Variants in IQGAP2 observed in about 807,000 individuals in gnomAD.
IQGAP2 encodes the protein IQ motif containing GTPase activating protein 2, also known as ras GTPase-activating-like protein IQGAP2.
IQGAP2 carries 173 observed loss-of-function variants against 201.3 expected under a neutral mutation model. The ratio of observed to expected loss-of-function variants is 0.86; its 90% CI spans 0.76 to 0.98. The LOEUF (loss-of-function observed/expected upper bound fraction) is 0.98, where lower values mean the gene tolerates loss of function less well. IQGAP2 is among the 50% of genes least tolerant of loss of function. The pLI is 0.00. For synonymous variants in IQGAP2, 675 were observed against 673.9 expected, an observed-to-expected ratio of 1.00 and a Z score of -0.03; for missense variants, 1,687 against 1,864.8, an observed-to-expected ratio of 0.90 and a Z score of 1.76.
intron 1 of IQGAP2, among the ~76,000 whole-genome samples, chr5:76,415,432 T>C (rs1751356270): frequency 6.6e-6 from 1 of 152,204 alleles, no homozygotes; most frequent in Admixed American, 6.5e-5. Context: ...GTTGGAAAAA[T>C]TGTAAGTTAC....
At chr5:76,637,775 C>T (rs1200158434) in intron 16 of IQGAP2, among the ~76,000 whole-genome samples, 1 of 152,186 alleles carries the variant, frequency 6.6e-6, no homozygotes, top group Non-Finnish European at 1.5e-5. Flanking sequence ...TACCCATGTC[C>T]AAATGTAAGT....
chr5:76,537,337 C>G (rs753068114), intron 2 of IQGAP2, among the ~76,000 whole-genome samples: 7 of 152,116 alleles, frequency 4.6e-5, no homozygotes, highest in Non-Finnish European at 8.8e-5. Context: ...TCAAATGCCA[C>G]CTATAGAGCT....
At chr5:76,407,224 C>G (rs1750849659) in intron 1 of IQGAP2, among the ~76,000 whole-genome samples, 1 of 152,114 alleles carries the variant, frequency 6.6e-6, no homozygotes, top group Non-Finnish European at 1.5e-5. Flanking sequence ...TCCTCAGCTT[C>G]CCAAAGTGCT....
rs141332451 is a variant in IQGAP2 at position 76,440,761 on chromosome 5, G to A, written c.47-20809G>A. 5.9e-4 allele frequency among the ~76,000 whole-genome samples: 90 copies of A among 151,686 alleles called. No homozygotes were observed. The East Asian group carries it at 0.014, about 23-fold the overall frequency. On this transcript the variant is annotated intron_variant, in intron 1 of 35. Transcript: ENST00000274364. ...AGTAGTTAAGAGTAGGGCCCTGGCC[G>A]GGTGCAGTGACTCAGTAATCCCAGC...
At chr5:76,491,861 C>T (rs527335570) in intron 2 of IQGAP2, among the ~76,000 whole-genome samples, 1 of 152,284 alleles carries the variant, frequency 6.6e-6, no homozygotes, top group African/African-American at 2.4e-5. Context: ...CTCTTAGGAC[C>T]TTTGAGTTGT....
At chr5:76,647,193 A>G (rs1173337204) in intron 17 of IQGAP2, among the ~76,000 whole-genome samples, 1 of 152,212 alleles carries the variant, frequency 6.6e-6, no homozygotes, top group Non-Finnish European at 1.5e-5. Flanking sequence ...CTCCAATATT[A>G]TATATAAACA....
rs1758656592 is a variant in IQGAP2 at position 76,521,120 on chromosome 5, TTTG to T, written c.147-41273_147-41271del. On this transcript the variant is annotated intron_variant, in intron 2 of 35. Transcript: ENST00000274364. ...GATTCTGATGTTTGGGGGTTTTTTG[TTTG>T]TTTTTTTACCTTTCTTCCTAACAGA... is the stretch of plus-strand genomic sequence containing the variant. Among the ~76,000 whole-genome samples the T allele has an allele frequency of 4.7e-5, 3 of 64,238 alleles. No homozygotes were observed. The South Asian group carries it at 2.5e-3, about 54-fold the overall frequency. 42.1% of individuals were successfully genotyped at this position (64,238 alleles called of 152,430 possible). A position where few individuals can be genotyped will look rare whatever the true frequency, so the allele number is the denominator to read the frequency against.
intron 2 of IQGAP2, among the ~76,000 whole-genome samples, chr5:76,496,173 T>C (rs1365612521): frequency 6.6e-6 from 1 of 152,260 alleles, no homozygotes; most frequent in Non-Finnish European, 1.5e-5. Flanking sequence ...ATTTGCTTTC[T>C]GTTACCTAAA....
chr5:76,439,387 G>A (rs1288619982), intron 1 of IQGAP2, among the ~76,000 whole-genome samples: 1 of 152,168 alleles, frequency 6.6e-6, no homozygotes, highest in Non-Finnish European at 1.5e-5. Flanking sequence ...TAAGTCCAGT[G>A]TTCCTTTGTT....
At chr5:76,521,658 C>T (rs1401659101) in intron 2 of IQGAP2, among the ~76,000 whole-genome samples, 1 of 152,212 alleles carries the variant, frequency 6.6e-6, no homozygotes. Context: ...CATCGTGTGC[C>T]TGTCTGTGTC....
At chr5:76,676,950 A>G (rs576308046) in intron 27 of IQGAP2, among the ~76,000 whole-genome samples, 8 of 152,308 alleles carry the variant, frequency 5.3e-5, no homozygotes, top group Middle Eastern at 6.8e-3. Context: ...TGACCTACGC[A>G]TAGGTCACTA....
chr5:76,676,089 A>G (rs954381486), intron 27 of IQGAP2, among the ~76,000 whole-genome samples: 94 of 143,922 alleles, frequency 6.5e-4, no homozygotes, highest in African/African-American at 2.3e-3. Context: ...ACACACACAC[A>G]CACACACACA....
intron 23 of IQGAP2, among the ~76,000 whole-genome samples, chr5:76,669,420 A>G (rs1006106493): frequency 6.6e-6 from 1 of 152,182 alleles, no homozygotes; most frequent in Non-Finnish European, 1.5e-5. Context: ...AGGTGTCTGT[A>G]AGCCCACGAG....
At chr5:76,503,870 G>A (rs545226153) in intron 2 of IQGAP2, among the ~76,000 whole-genome samples, 1 of 152,310 alleles carries the variant, frequency 6.6e-6, no homozygotes, top group African/African-American at 2.4e-5. Flanking sequence ...TGGGATTACA[G>A]GTGTGAGCCA....
intron 33 of IQGAP2, among the ~76,000 whole-genome samples, chr5:76,700,514 A>C (rs559824164): frequency 6.9e-4 from 101 of 145,374 alleles, no homozygotes; most frequent in African/African-American, 2.3e-3. Context: ...AACAAAACAA[A>C]AAACCTCCCC....
intron 2 of IQGAP2, among the ~76,000 whole-genome samples, chr5:76,544,392 T>C (rs536183405): frequency 1.6e-4 from 25 of 152,238 alleles, no homozygotes; most frequent in African/African-American, 5.8e-4. Flanking sequence ...GAGAGAGCAG[T>C]TCCCAGCCGA....
At chr5:76,451,286 T>A (rs1753727748) in intron 1 of IQGAP2, among the ~76,000 whole-genome samples, 1 of 152,160 alleles carries the variant, frequency 6.6e-6, no homozygotes, top group Non-Finnish European at 1.5e-5. Context: ...CTCTTGTTCC[T>A]TCTATTGCCA....
intron 1 of IQGAP2, among the ~76,000 whole-genome samples, chr5:76,407,547 C>T (rs183779295): frequency 2.0e-5 from 3 of 152,352 alleles, no homozygotes; most frequent in African/African-American, 7.2e-5. Context: ...TCTTGAGATA[C>T]TGTCTTCAGT....
intron 2 of IQGAP2, among the ~76,000 whole-genome samples, chr5:76,482,707 A>T (rs975479432): frequency 1.6e-4 from 24 of 152,278 alleles, no homozygotes; most frequent in African/African-American, 5.8e-4. Context: ...CAGAAACAAT[A>T]GAAAATATAG....
Sources: gnomAD v4.1 joint callset for allele counts (sites outside exome capture counted in the v4.1 genomes callset) on GRCh38, gnomAD v4.1.1 for gene constraint, MANE v1.5 for transcripts, NCBI Gene and HGNC (gene_info 2026-07-23, HGNC 2026-07-21) for gene names.